The following ARID5A variants were observed in gnomAD, a reference collection of about 807,000 sequenced individuals.
ARID5A encodes the protein AT-rich interactive domain-containing protein 5A.
In ARID5A, 14 loss-of-function variants were observed where a neutral mutation model predicts 30.5. The ratio of observed to expected loss-of-function variants is 0.46; its 90% confidence interval spans 0.30 to 0.72. The LOEUF is 0.72. Ranked by LOEUF, ARID5A falls within the 30% of genes least tolerant of loss-of-function variation. The pLI is 0.07. For synonymous variants in ARID5A, 338 were observed against 340.4 expected, an observed-to-expected ratio of 0.99 and a Z score of 0.08; for missense variants, 669 against 786.2, an observed-to-expected ratio of 0.85 and a Z score of 1.78.
intron 1 of ARID5A, among the ~76,000 whole-genome samples, chr2:96,540,965 G>A (rs1387640722): frequency 6.6e-6 from 1 of 151,746 alleles, no homozygotes; most frequent in African/African-American, 2.4e-5. Context: ...GGCTGGTCTC[G>A]AGCTCCTTAC....
At chr2:96,546,595 A>G (rs1036491936) in intron 1 of ARID5A, among the ~76,000 whole-genome samples, 19 of 152,382 alleles carry the variant, frequency 1.2e-4, no homozygotes, top group Middle Eastern at 3.4e-3. Flanking sequence ...CAGGCAGTTC[A>G]GCCAGGATGG....
In ARID5A at chr2:96,549,425, C is replaced by T. The variant is rs756601046; in HGVS notation, c.225C>T (p.Pro75=). 6.2e-6 allele frequency: 10 copies of T among 1,613,862 alleles called. No homozygotes were observed. The Admixed American group carries it at 1.7e-4, about 27-fold the overall frequency. Residue 75 remains proline (P), a synonymous_variant, in exon 3 of 7, where the codon CCC becomes CCT. Coordinates refer to ENST00000357485, the MANE Select transcript of ARID5A (RefSeq NM_212481.3). The surrounding 1 kb of genome is among the most constrained non-coding windows in gnomAD (Gnocchi z 6.1). The part of the protein sequence containing the change: ...LYKFMKERHT[P]IERVPHLGFK... ...AGTTCATGAAGGAGCGACACACGCC[C>T]ATCGAGAGGGTGCCCCATCTCGGCT...
rs1383994775 is a variant in ARID5A at position 96,539,836 on chromosome 2, A to C, written c.4+3006A>C. ...TCTTGTTAGCAGAGTGACAGGAGCG[A>C]TGTGCTGGGAAACTGCACATCTACT... is the stretch of plus-strand genomic sequence containing the variant. On this transcript the variant is annotated intron_variant, in intron 1 of 6. Coordinates refer to ENST00000357485, the MANE Select transcript of ARID5A (RefSeq NM_212481.3). The surrounding 1 kb of genome is among the most constrained non-coding windows in gnomAD (Gnocchi z 4.7). Among the ~76,000 whole-genome samples, 1 of 152,080 alleles carries C rather than the reference A, an allele frequency of 6.6e-6. No individual in the cohort carries two copies. The highest frequency in any genetic ancestry group is 1.5e-5 in the Non-Finnish European group (1 of 68,026).
Position 96,549,260 on chromosome 2 carries a change from A to C in ARID5A, c.121-61A>C. 6.3e-7 allele frequency: 1 copy of C among 1,584,430 alleles called. No individual in the cohort carries two copies. The highest frequency in any genetic ancestry group is 8.6e-7 in the Non-Finnish European group (1 of 1,165,770). ...TCCTCCTGCAGCCAGTGGTTTCTGCACATCCCCAGCAGCCAGCCACCAACT... is the reference window on the plus strand; with the variant it reads ...TCCTCCTGCAGCCAGTGGTTTCTGCCCATCCCCAGCAGCCAGCCACCAACT... On this transcript the variant is annotated intron_variant, in intron 2 of 6. Transcript: ENST00000357485. This position sits in a 1 kb window ranked among gnomAD's most constrained non-coding sequence, Gnocchi z 6.1.
chr2:96,538,816 G>T (rs2065792620), intron 1 of ARID5A, among the ~76,000 whole-genome samples: 1 of 152,200 alleles, frequency 6.6e-6, no homozygotes, highest in Non-Finnish European at 1.5e-5. Flanking sequence ...GTTCCCAGTC[G>T]GTGACTTTTC....
At chr2:96,545,847 G>A (rs540436564) in intron 1 of ARID5A, among the ~76,000 whole-genome samples, 7 of 152,016 alleles carry the variant, frequency 4.6e-5, no homozygotes, top group Admixed American at 2.0e-4. Flanking sequence ...CCAGCTACTC[G>A]GGAGGCTGAG....
At chr2:96,540,191 C>G (rs2065821940) in intron 1 of ARID5A, among the ~76,000 whole-genome samples, 1 of 152,168 alleles carries the variant, frequency 6.6e-6, no homozygotes, top group Non-Finnish European at 1.5e-5. Context: ...ACAAGTAGAC[C>G]TATGGGAGCA....
intron 1 of ARID5A, among the ~76,000 whole-genome samples, chr2:96,540,596 G>A (rs925199599): frequency 2.0e-5 from 3 of 152,234 alleles, no homozygotes; most frequent in African/African-American, 7.2e-5. Flanking sequence ...GGCTTTTTAA[G>A]AAGGAACTTC....
chr2:96,552,209 A>G lies in ARID5A; in HGVS notation c.1681A>G (p.Ser561Gly), dbSNP rs751172128. Reference protein sequence around the residue: ...LMHFPPTSFDSALRHRLCPAS... With the variant: ...LMHFPPTSFDGALRHRLCPAS... ...GCACTTCCCCCCAACGTCCTTCGAC[A>G]GTGCCCTCCGCCACAGACTTTGCCC... The change falls in exon 7 of 7, where the codon AGT becomes GGT. Residue 561 changes from serine to glycine, a missense_variant. Physicochemically the swap from Ser to Gly is moderately conservative, Grantham distance 56. This residue lies in a region of ARID5A where 548 missense variants were observed against 577.4 expected (regional missense o/e 0.95). Transcript: ENST00000357485. The G allele has an allele frequency of 3.1e-6, 5 of 1,613,354 alleles. No homozygotes were observed. Among genetic ancestry groups the G allele is most frequent in the Non-Finnish European group, 4.2e-6 (5 of 1,179,988 alleles).
At chr2:96,546,365 C>G (rs1300551065) in intron 1 of ARID5A, among the ~76,000 whole-genome samples, 1 of 152,244 alleles carries the variant, frequency 6.6e-6, no homozygotes, top group Non-Finnish European at 1.5e-5. Flanking sequence ...TGCCAGCCTG[C>G]TGTGTGGCCT....
chr2:96,545,091 G>A (rs902570734), intron 1 of ARID5A, among the ~76,000 whole-genome samples: 1 of 151,600 alleles, frequency 6.6e-6, no homozygotes, highest in Non-Finnish European at 1.5e-5. Flanking sequence ...CTTTTTATGG[G>A]TGGGCAAAGA....
In ARID5A at chr2:96,551,672, G is replaced by A. The variant is rs745694865; in HGVS notation, c.1144G>A (p.Val382Met). The A allele has an allele frequency of 6.6e-6, 10 of 1,523,322 alleles. No individual in the cohort carries two copies. Among genetic ancestry groups the A allele is most frequent in the Non-Finnish European group, 8.8e-6 (10 of 1,138,736 alleles). The allele number at this position is 1,523,322 out of a possible 1,614,324, so 94.4% of individuals were successfully genotyped here. A position where few individuals can be genotyped will look rare whatever the true frequency, so the allele number is the denominator to read the frequency against. Reference protein sequence around the residue: ...LGPPGKEGLSVKEPQLVWGGD... With the variant: ...LGPPGKEGLSMKEPQLVWGGD... ...GCCTCCTGGCAAAGAGGGGCTGTCA[G>A]TGAAAGAGCCCCAGCTGGTGTGGGG... Residue 382 changes from valine (V) to methionine (M), a missense_variant, in exon 7 of 7, where the codon GTG (valine) becomes ATG (methionine). Val to Met is a conservative substitution (Grantham distance 21, BLOSUM62 1). Around this residue, in one of 4 missense-constraint regions of ARID5A, gnomAD observed 548 missense variants for 577.4 expected, o/e 0.95. Coordinates refer to ENST00000357485, the MANE Select transcript of ARID5A (RefSeq NM_212481.3).
In ARID5A at chr2:96,551,885, G is replaced by A; in HGVS notation, c.1357G>A (p.Ala453Thr). 1 of 1,563,216 alleles carries A rather than the reference G, an allele frequency of 6.4e-7. No individual in the cohort carries two copies. Among genetic ancestry groups the A allele is most frequent in the East Asian group, 2.3e-5 (1 of 44,384 alleles). Residue 453 changes from alanine (A) to threonine (T), a missense_variant, in exon 7 of 7, where the codon GCC (alanine) becomes ACC (threonine). By Grantham distance (58) the Ala-to-Thr change is moderately conservative (BLOSUM62 0). Coordinates refer to ENST00000357485, the MANE Select transcript of ARID5A (RefSeq NM_212481.3). ...SKRSLEEEGA[A>T]HSGKRLRAVS... ...GCGCAGCCTGGAGGAAGAGGGTGCT[G>A]CCCACAGTGGGAAGAGACTGCGGGC...
rs1335141491 is a variant in ARID5A at position 96,550,304 on chromosome 2, G to C, written c.410+19G>C. ...ACGAGAGGTACGGCGGGGCGGGCCC[G>C]GGTGCTGGACGCCGCCTACCCTGCG... is the stretch of plus-strand genomic sequence containing the variant. On this transcript the variant is annotated intron_variant, in intron 5 of 6. Coordinates refer to ENST00000357485, the MANE Select transcript of ARID5A (RefSeq NM_212481.3). The surrounding 1 kb of genome is among the most constrained non-coding windows in gnomAD (Gnocchi z 6.6). The C allele has an allele frequency of 3.5e-6, 5 of 1,433,236 alleles. No homozygotes were observed. Among genetic ancestry groups the C allele is most frequent in the East Asian group, 2.6e-5 (1 of 38,138 alleles). 88.8% of individuals were successfully genotyped at this position (1,433,236 alleles called of 1,614,324 possible). A position where few individuals can be genotyped will look rare whatever the true frequency, so the allele number is the denominator to read the frequency against.
Position 96,551,170 on chromosome 2 carries a change from C to T in ARID5A, c.642C>T (p.Asn214=). The change falls in exon 7 of 7, where the codon AAC becomes AAT. Residue 214 remains asparagine (N), a synonymous_variant. Transcript: ENST00000357485. ...APLPSQEPPR[N]STEQQGLASG... ...TTCCCAGCCAGGAGCCCCCCAGGAA[C>T]AGCACAGAACAGCAGGGCCTGGCCT... 6.2e-7 allele frequency: 1 copy of T among 1,613,956 alleles called. No homozygotes were observed. The highest frequency in any genetic ancestry group is 8.5e-7 in the Non-Finnish European group (1 of 1,179,966).
chr2:96,550,426 G>A lies in ARID5A; in HGVS notation c.410+141G>A. On this transcript the variant is annotated intron_variant, in intron 5 of 6. Coordinates refer to ENST00000357485, the MANE Select transcript of ARID5A (RefSeq NM_212481.3). This position sits in a 1 kb window ranked among gnomAD's most constrained non-coding sequence, Gnocchi z 6.6. ...AGAGCTGCGGGAGCCCAGGCTGGCT[G>A]GGCGCACTCACTGAGGGAGCTGAAG... The A allele has an allele frequency of 7.0e-7, 1 of 1,432,412 alleles. No individual in the cohort carries two copies. The highest frequency in any genetic ancestry group is 9.1e-7 in the Non-Finnish European group (1 of 1,093,242). The allele number at this position is 1,432,412 out of a possible 1,614,324, so 88.7% of individuals were successfully genotyped here. A position where few individuals can be genotyped will look rare whatever the true frequency, so the allele number is the denominator to read the frequency against.
Position 96,550,151 on chromosome 2 carries a change from C to T in ARID5A, c.313-37C>T. 1.3e-6 allele frequency: 2 copies of T among 1,530,852 alleles called. No individual in the cohort carries two copies. The highest frequency in any genetic ancestry group is 2.4e-5 in the South Asian group (2 of 83,604). The allele number at this position is 1,530,852 out of a possible 1,614,324, so 94.8% of individuals were successfully genotyped here. A position where few individuals can be genotyped will look rare whatever the true frequency, so the allele number is the denominator to read the frequency against. ...CTGCAAGGACCCCGCCGCCAGGGGG[C>T]GCCCGCCGGCCGCGCCCTCACGAGG... On this transcript the variant is annotated intron_variant, in intron 4 of 6. Transcript: ENST00000357485. This position sits in a 1 kb window ranked among gnomAD's most constrained non-coding sequence, Gnocchi z 6.6.
rs1237643446 is a variant in ARID5A, at chr2:96,550,320, CTACCCTG to C, written c.410+36_410+42del. The C allele has an allele frequency of 1.4e-6, 2 of 1,428,420 alleles. No homozygotes were observed. Among genetic ancestry groups the C allele is most frequent in the Non-Finnish European group, 1.8e-6 (2 of 1,099,634 alleles). 88.5% of individuals were successfully genotyped at this position (1,428,420 alleles called of 1,614,324 possible). On this transcript the variant is annotated intron_variant, in intron 5 of 6. Transcript: ENST00000357485. This position sits in a 1 kb window ranked among gnomAD's most constrained non-coding sequence, Gnocchi z 6.6. ...GGCGGGCCCGGGTGCTGGACGCCGC[CTACCCTG>C]CGGGGCTTTGGCCGACCTTGCCGGG... is the stretch of plus-strand genomic sequence containing the variant.
Position 96,549,329 on chromosome 2 carries a change from C to A in ARID5A, c.129C>A (p.Pro43=), listed in dbSNP as rs1251129008. The A allele has an allele frequency of 1.9e-6, 3 of 1,613,070 alleles. No individual in the cohort carries two copies. The highest frequency in any genetic ancestry group is 1.1e-5 in the South Asian group (1 of 91,008). ...IQNPISLEDS[P]EAGGEREEEQ... is the part of the protein sequence containing the mutation. ...TCCTGTTCTCTCCCCAGGACTCCCC[C>A]GAGGCAGGCGGGGAGCGGGAGGAGG... is the stretch of plus-strand genomic sequence containing the variant. Residue 43 remains proline, a synonymous_variant, in exon 3 of 7, where the codon CCC becomes CCA. Transcript: ENST00000357485. The surrounding 1 kb of genome is among the most constrained non-coding windows in gnomAD (Gnocchi z 6.1).
Sources: gnomAD v4.1 joint callset for allele counts (sites outside exome capture counted in the v4.1 genomes callset) on GRCh38, gnomAD v4.1.1 for gene constraint, gnomAD v4.1.1 regional missense constraint, Gnocchi (gnomAD v3.1) non-coding constraint, MANE v1.5 for transcripts, NCBI Gene and HGNC (gene_info 2026-07-23, HGNC 2026-07-21) for gene names.